ALK: variants seen among roughly 807,000 people sequenced by gnomAD.
ALK encodes the protein ALK tyrosine kinase receptor.
In ALK, 74 loss-of-function variants were observed where a neutral mutation model predicts 163.1. The ratio of observed to expected loss-of-function variants is 0.45; its 90% confidence interval spans 0.38 to 0.55. The LOEUF (loss-of-function observed/expected upper bound fraction) is 0.55. ALK is among the 20% of genes least tolerant of loss of function. ALK has a pLI of 0.00. For missense variants in ALK, 2,063 were observed against 2,105.3 expected, an observed-to-expected ratio of 0.98 and a Z score of 0.39; for synonymous variants, 960 against 843.2, an observed-to-expected ratio of 1.14 and a Z score of -2.40.
At chr2:29,791,762 T>C (rs1173957387) in intron 1 of ALK, among the ~76,000 whole-genome samples, 1 of 152,200 alleles carries the variant, frequency 6.6e-6, no homozygotes, top group Admixed American at 6.5e-5. Flanking sequence ...CATTTATTTA[T>C]TGACTTACTT....
chr2:29,525,911 T>A (rs892423288), intron 4 of ALK, among the ~76,000 whole-genome samples: 28 of 152,124 alleles, frequency 1.8e-4, no homozygotes, highest in African/African-American at 6.5e-4. Context: ...AAGGTCCAGT[T>A]CCTCTTAAGA....
At chr2:29,833,870 T>C (rs955847472) in intron 1 of ALK, among the ~76,000 whole-genome samples, 3 of 152,140 alleles carry the variant, frequency 2.0e-5, no homozygotes, top group Non-Finnish European at 4.4e-5. Context: ...TTTGATGCCA[T>C]TGTCCTTGGA....
intron 1 of ALK, among the ~76,000 whole-genome samples, chr2:29,854,760 G>A (rs934702016): frequency 2.6e-5 from 4 of 152,060 alleles, no homozygotes; most frequent in African/African-American, 9.7e-5. Context: ...AAGCCCTAAT[G>A]ATTGAATATA....
chr2:29,413,666 GGACTAC>G (rs1274368181), intron 4 of ALK, among the ~76,000 whole-genome samples: 1 of 152,122 alleles, frequency 6.6e-6, no homozygotes, highest in Admixed American at 6.5e-5. Context: ...CAAGTAGCTG[GGACTAC>G]AGGCACCCTC....
At chr2:29,281,174 TG>T (rs1282109786) in intron 9 of ALK, among the ~76,000 whole-genome samples, 3 of 152,204 alleles carry the variant, frequency 2.0e-5, no homozygotes, top group African/African-American at 7.2e-5. Flanking sequence ...TGAGCCACCC[TG>T]GGTTTGGCTG....
intron 5 of ALK, among the ~76,000 whole-genome samples, chr2:29,367,784 A>G (rs1346118394): frequency 1.3e-5 from 2 of 152,162 alleles, no homozygotes; most frequent in Non-Finnish European, 2.9e-5. Flanking sequence ...GGCAGGGGAG[A>G]ATCTAGAATC....
chr2:29,571,850 G>A (rs534404665), intron 3 of ALK, among the ~76,000 whole-genome samples: 24 of 151,950 alleles, frequency 1.6e-4, no homozygotes, highest in Admixed American at 8.5e-4. Flanking sequence ...TCCTGACCTC[G>A]TGATCCACCT....
intron 1 of ALK, among the ~76,000 whole-genome samples, chr2:29,850,712 C>G (rs1264276932): frequency 1.3e-5 from 2 of 152,312 alleles, no homozygotes; most frequent in East Asian, 3.9e-4. Flanking sequence ...ACCATCTGGT[C>G]TCAGCTGTGC....
intron 1 of ALK, among the ~76,000 whole-genome samples, chr2:29,745,686 G>A (rs185899230): frequency 2.0e-5 from 3 of 152,274 alleles, no homozygotes; most frequent in East Asian, 1.9e-4. Flanking sequence ...GTAGGTCCCC[G>A]CTTAGCAGCA....
chr2:29,244,011 T>A (rs372556838), intron 12 of ALK, among the ~76,000 whole-genome samples: 3 of 152,234 alleles, frequency 2.0e-5, no homozygotes, highest in African/African-American at 4.8e-5. Flanking sequence ...TGTGAATCTT[T>A]TTTAAATAAA....
intron 3 of ALK, among the ~76,000 whole-genome samples, chr2:29,601,257 A>G (rs1166499732): frequency 6.6e-6 from 1 of 152,192 alleles, no homozygotes; most frequent in Non-Finnish European, 1.5e-5. Flanking sequence ...AATACTTTAC[A>G]AATATTAATT....
chr2:29,772,274 A>G (rs1458787697), intron 1 of ALK, among the ~76,000 whole-genome samples: 10 of 152,240 alleles, frequency 6.6e-5, no homozygotes, highest in Admixed American at 3.3e-4. Context: ...TCTAAATGTA[A>G]ATATCAAACA....
chr2:29,613,408 G>A (rs923618858), intron 3 of ALK, among the ~76,000 whole-genome samples: 12 of 152,086 alleles, frequency 7.9e-5, no homozygotes, highest in East Asian at 1.9e-4. Context: ...ATTTCTCTTC[G>A]GGAAATTAAA....
At chr2:29,576,084 C>T (rs1374189661) in intron 3 of ALK, among the ~76,000 whole-genome samples, 1 of 152,178 alleles carries the variant, frequency 6.6e-6, no homozygotes, top group Admixed American at 6.5e-5. Flanking sequence ...CCAGTGGGTG[C>T]ACGGGGTGCA....
At chr2:29,318,425 C>A (rs192649529) in intron 7 of ALK, 21 bp from the exon 8 acceptor site, 1 of 1,552,678 alleles carries the variant, frequency 6.4e-7, no homozygotes, top group South Asian at 1.1e-5. Flanking sequence ...GGAAAAGAAT[C>A]ACAAGCACGC....
chr2:29,684,900 G>A (rs922334482), intron 3 of ALK, among the ~76,000 whole-genome samples: 47 of 152,184 alleles, frequency 3.1e-4, no homozygotes, highest in Non-Finnish European at 1.3e-4. Flanking sequence ...ATTTCTCCGA[G>A]CTTCTAACTA....
chr2:29,230,287 ATC>A (rs776435756), intron 15 of ALK, among the ~76,000 whole-genome samples: 67 of 84,240 alleles, frequency 8.0e-4, no homozygotes, highest in Admixed American at 9.6e-4. Flanking sequence ...AGACACAATC[ATC>A]TTTTTTTTTT....
chr2:29,911,431 TCTTTATCATCTCTCTACTTTCATCTG>T (rs1667699714), intron 1 of ALK, among the ~76,000 whole-genome samples: 2 of 152,222 alleles, frequency 1.3e-5, no homozygotes, highest in South Asian at 2.1e-4. Context: ...ATTTTGTTTC[TCTTTATCATCTCTCTACTTTCATCTG>T]CTTTATCATC....
At chr2:29,209,144 A>G (rs542052619) in intron 25 of ALK, among the ~76,000 whole-genome samples, 1 of 152,284 alleles carries the variant, frequency 6.6e-6, no homozygotes, top group South Asian at 2.1e-4. Context: ...GAGGAAGTTC[A>G]ATAAAGCTCA....
Sources: gnomAD v4.1 joint callset for allele counts (sites outside exome capture counted in the v4.1 genomes callset) on GRCh38, gnomAD v4.1.1 for gene constraint, MANE v1.5 for transcripts, NCBI Gene and HGNC (gene_info 2026-07-23, HGNC 2026-07-21) for gene names.